The following CDC16 variants were observed in gnomAD, a reference collection of about 807,000 sequenced individuals.
CDC16 encodes the protein cell division cycle protein 16 homolog.
In CDC16, 34 loss-of-function variants were observed where a neutral mutation model predicts 87.0. The observed-to-expected ratio is 0.39, with a 90% CI of 0.30 to 0.52. The LOEUF (loss-of-function observed/expected upper bound fraction) is 0.52, where lower values mean the gene tolerates loss of function less well. Ranked by LOEUF, CDC16 falls within the 20% of genes least tolerant of loss-of-function variation. The pLI, the probability that CDC16 is intolerant of heterozygous loss-of-function variation, is 0.74. For synonymous variants in CDC16, 263 were observed against 260.6 expected (o/e 1.01, Z -0.09); for missense variants, 653 against 751.9 (o/e 0.87, Z 1.54).
At chr13:114,252,644 C>CA (rs34493717) in intron 12 of CDC16, among the ~76,000 whole-genome samples, 5,373 of 129,924 alleles carry the variant, frequency 0.041, 124 homozygotes, top group Non-Finnish European at 0.052. Flanking sequence ...AATTTGTTAC[C>CA]AAAAAAAAAA....
chr13:114,269,450 A>AT (rs1412318724), intron 17 of CDC16, among the ~76,000 whole-genome samples: 2 of 152,092 alleles, frequency 1.3e-5, no homozygotes, highest in African/African-American at 4.8e-5. Context: ...ATGATTGACC[A>AT]TACTGATTTT....
chr13:114,245,400 T>G lies in CDC16; in HGVS notation c.847+431T>G, dbSNP rs183174577. Among the ~76,000 whole-genome samples the G allele has an allele frequency of 3.3e-5, 5 of 152,262 alleles. No homozygotes were observed. In the East Asian group the frequency reaches 7.7e-4, roughly 24 times the overall value. ...TTAACATTTGACATTTAGTTGTGTTTGGGGATGCATTTGTCCTTAAATTTT... is the reference window on the plus strand; with the variant it reads ...TTAACATTTGACATTTAGTTGTGTTGGGGGATGCATTTGTCCTTAAATTTT... On this transcript the variant is annotated intron_variant, in intron 9 of 17. Transcript: ENST00000356221.
At chr13:114,236,510 T>A (rs2081257087) in intron 1 of CDC16, 135 bp from the exon 2 acceptor site, 2 of 736,946 alleles carry the variant, frequency 2.7e-6, no homozygotes, top group African/African-American at 3.7e-5. Flanking sequence ...TGTAACAAAT[T>A]GTTGTCTTGA....
Position 114,244,875 on chromosome 13 carries a change from C to T in CDC16, c.768-15C>T, listed in dbSNP as rs748317584. On this transcript the variant is annotated splice_polypyrimidine_tract_variant and intron_variant, in intron 8 of 17. Coordinates refer to ENST00000356221, the MANE Select transcript of CDC16 (RefSeq NM_001078645.3). ...TGCTGGTTTGGGGGTAGTAATGTGT[C>T]GCTTTAACTTTCAGAGTAATGGAGA... 1.6e-5 allele frequency: 26 copies of T among 1,586,448 alleles called. No individual in the cohort carries two copies. Among genetic ancestry groups the T allele is most frequent in the East Asian group, 2.2e-5 (1 of 44,574 alleles).
In CDC16 at chr13:114,265,286, G is replaced by A. The variant is rs1435877717; in HGVS notation, c.1603+46G>A. The A allele has an allele frequency of 6.1e-6, 7 of 1,156,244 alleles. No individual in the cohort carries two copies. The East Asian group carries it at 1.4e-4, about 23-fold the overall frequency. 71.6% of individuals were successfully genotyped at this position (1,156,244 alleles called of 1,614,324 possible). A position where few individuals can be genotyped will look rare whatever the true frequency, so the allele number is the denominator to read the frequency against. On this transcript the variant is annotated intron_variant, in intron 17 of 17. Transcript: ENST00000356221. ...ATTGGTATTGTACTCCATTTTTTAG[G>A]TTGTCATATGTCTCTGTTTATGTTT...
At chr13:114,271,172 C>T (rs931652640) in intron 17 of CDC16, among the ~76,000 whole-genome samples, 18 of 152,162 alleles carry the variant, frequency 1.2e-4, no homozygotes, top group Admixed American at 1.2e-3. Context: ...CCACCCGCCT[C>T]GGCCTCCCAA....
At chr13:114,235,588 A>G (rs2081207715) in intron 1 of CDC16, among the ~76,000 whole-genome samples, 1 of 152,226 alleles carries the variant, frequency 6.6e-6, no homozygotes, top group Non-Finnish European at 1.5e-5. Context: ...ATTCTCGTTA[A>G]CTATGTCTGT....
chr13:114,236,544 TATATTA>T, intron 1 of CDC16, 95 bp from the exon 2 acceptor site: 1 of 923,476 alleles, frequency 1.1e-6, no homozygotes, highest in Non-Finnish European at 1.4e-6. Context: ...TACATAGAAT[TATATTA>T]ATATATTACA....
chr13:114,244,739 A>G, intron 8 of CDC16, 151 bp from the exon 9 acceptor site: 1 of 462,308 alleles, frequency 2.2e-6, no homozygotes, highest in Non-Finnish European at 3.9e-6. Context: ...CCTTAACTGA[A>G]TCAACCTGAA....
intron 15 of CDC16, 133 bp downstream of exon 15, chr13:114,262,081 A>G: frequency 2.0e-6 from 1 of 512,666 alleles, no homozygotes; most frequent in East Asian, 3.3e-5. Context: ...TAAAATCAGC[A>G]TCAAATCAGT....
chr13:114,259,380 T>C lies in CDC16; in HGVS notation c.1296T>C (p.Ile432=), dbSNP rs776788255. 7.0e-6 allele frequency: 11 copies of C among 1,571,938 alleles called. No individual in the cohort carries two copies. Among genetic ancestry groups the C allele is most frequent in the Non-Finnish European group, 9.4e-6 (11 of 1,167,410 alleles). ...GGTTTCTTGATGCTTTGGAAAAAAT[T>C]AAAGCAATTGGGAACGAGGTATTCT... ...EKWFLDALEK[I]KAIGNEVTVD... is the part of the protein sequence containing the mutation. The change falls in exon 14 of 18, where the codon ATT becomes ATC. Residue 432 remains isoleucine, a synonymous_variant. Transcript: ENST00000356221.
chr13:114,262,332 T>G (rs972485805), intron 15 of CDC16, among the ~76,000 whole-genome samples: 1 of 152,252 alleles, frequency 6.6e-6, no homozygotes, highest in Non-Finnish European at 1.5e-5. Flanking sequence ...ATTCAAGATT[T>G]AACAAGTATT....
At chr13:114,260,903 G>A (rs1187780267) in intron 14 of CDC16, among the ~76,000 whole-genome samples, 1 of 152,166 alleles carries the variant, frequency 6.6e-6, no homozygotes, top group Non-Finnish European at 1.5e-5. Flanking sequence ...TGTCAGCCAT[G>A]CCATAGGCTC....
At chr13:114,259,260 G>C (rs553404439) in intron 13 of CDC16, 75 bp from the exon 14 acceptor site, 6 of 954,104 alleles carry the variant, frequency 6.3e-6, no homozygotes, top group Non-Finnish European at 7.9e-6. Flanking sequence ...CTACTAGAAA[G>C]GTAATCAAAA....
chr13:114,267,831 A>G (rs2139191902), intron 17 of CDC16, among the ~76,000 whole-genome samples: 1 of 149,524 alleles, frequency 6.7e-6, no homozygotes, highest in East Asian at 1.9e-4. Flanking sequence ...CCCTTACTTT[A>G]TCATAGTTTA....
In CDC16 at chr13:114,250,190, A is replaced by G. The variant is rs575360618; in HGVS notation, c.972-359A>G. ...AGCGACAGAGCAAAACTCTGTCTCT[A>G]AAAATAAAAAATAATAAATAGGCTG... On this transcript the variant is annotated intron_variant, in intron 11 of 17. Transcript: ENST00000356221. Among the ~76,000 whole-genome samples the G allele has an allele frequency of 1.8e-4, 27 of 152,230 alleles. No homozygotes were observed. The East Asian group carries it at 5.0e-3, about 28-fold the overall frequency.
In CDC16 at chr13:114,242,154, A is replaced by C. The variant is rs1218766809; in HGVS notation, c.415A>C (p.Ile139Leu). 2 of 1,612,122 alleles carry C rather than the reference A, an allele frequency of 1.2e-6. No homozygotes were observed. The highest frequency in any genetic ancestry group is 1.7e-6 in the Non-Finnish European group (2 of 1,179,488). Residue 139 changes from isoleucine to leucine, a missense_variant, in exon 6 of 18, where the codon ATC becomes CTC. By Grantham distance (5) the Ile-to-Leu change is conservative. Transcript: ENST00000356221. ...KSSICLLRGK[I>L]YDALDNRTLA... is the part of the protein sequence containing the mutation. ...TTCTATCTGTCTTCTACGCGGGAAAATCTATGATGCTCTAGATAACCGAAC... is the reference window on the plus strand; with the variant it reads ...TTCTATCTGTCTTCTACGCGGGAAACTCTATGATGCTCTAGATAACCGAAC...
intron 17 of CDC16, among the ~76,000 whole-genome samples, chr13:114,266,522 C>G (rs1012357207): frequency 6.6e-6 from 1 of 152,222 alleles, no homozygotes; most frequent in African/African-American, 2.4e-5. Context: ...TGTGCCTGCT[C>G]TATGCCCAGT....
chr13:114,235,014 G>A lies in CDC16; in HGVS notation c.-71G>A, dbSNP rs572838230. The stretch of plus-strand genomic sequence containing the variant: ...CTGCAGGCACGGGCACGGGCACGGG[G>A]CGGGGTGCTTAGGGTGCAGGAGGCG... On this transcript the variant is annotated 5_prime_UTR_variant, in exon 1 of 18. Coordinates refer to ENST00000356221, the MANE Select transcript of CDC16 (RefSeq NM_001078645.3). 4.2e-6 allele frequency: 5 copies of A among 1,178,004 alleles called. No homozygotes were observed. Among genetic ancestry groups the A allele is most frequent in the Non-Finnish European group, 5.3e-6 (5 of 936,764 alleles). 73.0% of individuals were successfully genotyped at this position (1,178,004 alleles called of 1,614,324 possible).
Sources: gnomAD v4.1 joint callset for allele counts (sites outside exome capture counted in the v4.1 genomes callset) on GRCh38, gnomAD v4.1.1 for gene constraint, MANE v1.5 for transcripts, NCBI Gene and HGNC (gene_info 2026-07-23, HGNC 2026-07-21) for gene names.